ADGRL2: variants seen among roughly 807,000 people sequenced by gnomAD.
ADGRL2 encodes the protein adhesion G protein-coupled receptor L2, also known as calcium-independent alpha-latrotoxin receptor 2.
In ADGRL2, 44 loss-of-function variants were observed where a neutral mutation model predicts 157.4. That is an observed-to-expected ratio of 0.28 (90% CI 0.22 to 0.36). ADGRL2 has a LOEUF of 0.36. ADGRL2 is among the 10% of genes least tolerant of loss of function. The pLI, the probability that ADGRL2 is intolerant of heterozygous loss-of-function variation, is 1.00. For synonymous variants in ADGRL2, 585 were observed against 624.7 expected (o/e 0.94, Z 0.95); for missense variants, 1,510 against 1,768.9 (o/e 0.85, Z 2.63).
At chr1:81,713,047 C>A (rs561394252) in intron 1 of ADGRL2, among the ~76,000 whole-genome samples, 1 of 152,114 alleles carries the variant, frequency 6.6e-6, no homozygotes, top group Non-Finnish European at 1.5e-5. Flanking sequence ...TGTGAGCCAC[C>A]ATGCCCGGCT....
At chr1:81,693,514 G>A (rs754527484) in intron 3 of ADGRL2, among the ~76,000 whole-genome samples, 1 of 152,188 alleles carries the variant, frequency 6.6e-6, no homozygotes, top group Non-Finnish European at 1.5e-5. Flanking sequence ...TTCCCTGTCT[G>A]TTTAAACTAT....
rs531977919 is a variant in ADGRL2 at position 81,460,139 on chromosome 1, C to T, written c.-248+15050C>T. Among the ~76,000 whole-genome samples the T allele has an allele frequency of 3.3e-5, 5 of 152,002 alleles. No individual in the cohort carries two copies. The East Asian group carries it at 9.7e-4, about 29-fold the overall frequency. On this transcript the variant is annotated intron_variant, in intron 2 of 24. Coordinates refer to the ADGRL2 transcript ENST00000370721. ...ATATACCTGTTGCCCATTTGTATTT[C>T]TTAGGTTGCTTTTTCACTCTGTTGA... is the stretch of plus-strand genomic sequence containing the variant.
intron 3 of ADGRL2, among the ~76,000 whole-genome samples, chr1:81,914,401 G>T (rs997888573): frequency 2.0e-5 from 3 of 151,894 alleles, no homozygotes; most frequent in Admixed American, 2.0e-4. Context: ...TAATATTTTG[G>T]GGTTGGTATA....
chr1:81,502,606 C>G, intron 2 of ADGRL2: 1 of 1,614,050 alleles, frequency 6.2e-7, no homozygotes, highest in Non-Finnish European at 8.5e-7. Flanking sequence ...GGGAGATCAC[C>G]AAAGGCCTAA....
chr1:81,484,709 GA>G (rs1230620898), intron 2 of ADGRL2, among the ~76,000 whole-genome samples: 2 of 151,586 alleles, frequency 1.3e-5, no homozygotes, highest in African/African-American at 4.8e-5. Flanking sequence ...CTCTTAAATG[GA>G]AAAAAAATCA....
At position 81,837,140 on chromosome 1, in the gene ADGRL2, ATT is replaced by A. The variant is rs1012183123; in HGVS notation, c.73+85_73+86del. The A allele has an allele frequency of 4.7e-6, 3 of 633,480 alleles. No individual in the cohort carries two copies. In the African/African-American group the frequency reaches 5.8e-5, roughly 12 times the overall value. The allele number at this position is 633,480 out of a possible 1,614,324, so 39.2% of individuals were successfully genotyped here. A position where few individuals can be genotyped will look rare whatever the true frequency, so the allele number is the denominator to read the frequency against. ...TTCTTAATATGGAAGTGCCTAGAATATTTGTTTATTATTTTAAAAATAGGTGT... is the reference window on the plus strand; with the variant it reads ...TTCTTAATATGGAAGTGCCTAGAATATGTTTATTATTTTAAAAATAGGTGT... On this transcript the variant is annotated intron_variant, in intron 2 of 23. Transcript: ENST00000686636.
intron 3 of ADGRL2, among the ~76,000 whole-genome samples, chr1:81,601,494 C>A (rs1350601218): frequency 6.6e-6 from 1 of 152,178 alleles, no homozygotes; most frequent in Non-Finnish European, 1.5e-5. Flanking sequence ...AGTTTGAAAG[C>A]ATTTAGAATC....
chr1:81,649,953 A>G (rs891241513), intron 3 of ADGRL2, among the ~76,000 whole-genome samples: 15 of 152,276 alleles, frequency 9.9e-5, no homozygotes, highest in African/African-American at 3.6e-4. Flanking sequence ...AAACAGTAGT[A>G]TCATGCTGGG....
intron 5 of ADGRL2, among the ~76,000 whole-genome samples, chr1:81,942,249 G>A (rs1441785425): frequency 4.0e-5 from 6 of 151,834 alleles, no homozygotes; most frequent in Non-Finnish European, 5.9e-5. Context: ...TGAAGTCGGC[G>A]AGGGGGATCT....
At chr1:81,461,930 A>AGGC (rs1553166992) in intron 2 of ADGRL2, among the ~76,000 whole-genome samples, 3 of 67,242 alleles carry the variant, frequency 4.5e-5, no homozygotes, top group Non-Finnish European at 6.7e-5. Context: ...AAAAGAAGAA[A>AGGC]GGGGGGGGGG....
intron 14 of ADGRL2, 122 bp from the exon 15 acceptor site, chr1:81,969,056 A>G: frequency 1.4e-6 from 1 of 714,956 alleles, no homozygotes; most frequent in Non-Finnish European, 2.4e-6. Context: ...TTTTGAACAC[A>G]TATGAATAGT....
intron 1 of ADGRL2, among the ~76,000 whole-genome samples, chr1:81,387,645 G>A (rs958758669): frequency 2.0e-5 from 3 of 152,030 alleles, no homozygotes; most frequent in African/African-American, 4.8e-5. Flanking sequence ...CTATATATCC[G>A]AAGTTATTCA....
intron 3 of ADGRL2, among the ~76,000 whole-genome samples, chr1:81,920,998 T>G (rs1469959946): frequency 6.6e-6 from 1 of 152,170 alleles, no homozygotes; most frequent in African/African-American, 2.4e-5. Flanking sequence ...TTAAGCTTTT[T>G]AACTGAATAC....
intron 1 of ADGRL2, among the ~76,000 whole-genome samples, chr1:81,345,193 T>A (rs968253207): frequency 2.6e-5 from 4 of 152,204 alleles, no homozygotes; most frequent in Non-Finnish European, 5.9e-5. Context: ...TCACATAGTA[T>A]CTTTCTTCAT....
At position 81,629,667 on chromosome 1, in the gene ADGRL2, A is replaced by ATGTGTG. The variant is rs60497907; in HGVS notation, c.-143+48713_-143+48718dup. Among the ~76,000 whole-genome samples, 361 of 149,278 alleles carry ATGTGTG rather than the reference A, an allele frequency of 2.4e-3. 1 individual carries two copies. Among genetic ancestry groups the ATGTGTG allele is most frequent in the African/African-American group, 7.0e-3 (281 of 40,384 alleles). On this transcript the variant is annotated intron_variant, in intron 3 of 24. Coordinates refer to the ADGRL2 transcript ENST00000370721. ...TTGTTAAATGAATGAATGAATGTATATGTGTGTGTGTGTGTGTGTGTGTGT... is the reference window on the plus strand; with the variant it reads ...TTGTTAAATGAATGAATGAATGTATATGTGTGTGTGTGTGTGTGTGTGTGTGTGTGT...
At chr1:81,586,809 T>G (rs1444625788) in intron 3 of ADGRL2, among the ~76,000 whole-genome samples, 8 of 152,096 alleles carry the variant, frequency 5.3e-5, no homozygotes, top group Non-Finnish European at 8.8e-5. Flanking sequence ...TCCTACCACC[T>G]TCAAAGAGGG....
chr1:81,337,311 A>G (rs567357253), intron 1 of ADGRL2, among the ~76,000 whole-genome samples: 3 of 151,892 alleles, frequency 2.0e-5, no homozygotes, highest in Admixed American at 1.3e-4. Flanking sequence ...GCGCACTGGA[A>G]CACACACCCT....
chr1:81,704,918 G>A (rs2083683190), intron 1 of ADGRL2, among the ~76,000 whole-genome samples: 1 of 152,142 alleles, frequency 6.6e-6, no homozygotes, highest in Admixed American at 6.5e-5. Flanking sequence ...GAGGAAACGA[G>A]GATGATGGCA....
At chr1:81,419,099 A>G (rs748438238) in intron 1 of ADGRL2, among the ~76,000 whole-genome samples, 4 of 152,240 alleles carry the variant, frequency 2.6e-5, no homozygotes, top group African/African-American at 9.6e-5. Flanking sequence ...GGAACTTTCT[A>G]TCAATAACTG....
Sources: allele counts gnomAD v4.1 joint callset (sites outside exome capture counted in the v4.1 genomes callset), GRCh38; gene constraint gnomAD v4.1.1; transcripts MANE v1.5; gene names NCBI Gene and HGNC (gene_info 2026-07-23, HGNC 2026-07-21).